Variants in ADAR observed in about 807,000 individuals in gnomAD.
The protein encoded by ADAR is adenosine deaminase RNA specific, also known as double-stranded RNA-specific adenosine deaminase.
In ADAR, 41 loss-of-function variants were observed where a neutral mutation model predicts 113.2. The ratio of observed to expected loss-of-function variants is 0.36; its 90% CI spans 0.28 to 0.47. The LOEUF (loss-of-function observed/expected upper bound fraction) is 0.47. Among genes scored for constraint, ADAR ranks in the 20% least tolerant of loss-of-function variants. ADAR has a pLI of 1.00. For missense variants in ADAR, 1,242 were observed against 1,540.9 expected (o/e 0.81, Z 3.25); for synonymous variants, 605 against 572.6 (o/e 1.06, Z -0.81).
chr1:154,588,308 T>C, intron 10 of ADAR, 50 bp from the exon 11 acceptor site: 1 of 1,613,560 alleles, frequency 6.2e-7, no homozygotes, highest in Non-Finnish European at 8.5e-7. Context: ...AATCTGCAAT[T>C]TCGTGGGGCT....
At chr1:154,589,674 T>C (rs1378756302) in intron 8 of ADAR, 83 bp downstream of exon 8, 13 of 1,543,510 alleles carry the variant, frequency 8.4e-6, no homozygotes, top group African/African-American at 1.4e-5. Context: ...GCCTTGGACT[T>C]ACATGCATGG....
chr1:154,589,746 G>A lies in ADAR; in HGVS notation c.2668+11C>T, dbSNP rs768855853. On this transcript the variant is annotated intron_variant, in intron 8 of 14. Transcript: ENST00000368474. ...GCCATGGGAGGCGGCATGTCTCAGA[G>A]CCTCACTCACCTGTTCCCAAGCTGA... is the stretch of plus-strand genomic sequence containing the variant. The A allele has an allele frequency of 1.4e-5, 22 of 1,614,098 alleles. No individual in the cohort carries two copies. Among genetic ancestry groups the A allele is most frequent in the Non-Finnish European group, 1.6e-5 (19 of 1,180,014 alleles).
chr1:154,601,384 CTAACTT>C lies in ADAR; in HGVS notation c.1252_1257del (p.Lys418_Leu419del). On this transcript the variant is annotated inframe_deletion, in exon 2 of 15. Transcript: ENST00000368474. The surrounding 1 kb of genome is among the most constrained non-coding windows in gnomAD (Gnocchi z 4.7). Reference sequence around the variant, plus strand: ...TCTGGTCTGGCCTCTTGCCTGTTTTCTAACTTTATGACAGGTTCCTGCCCATTCTCC... The same window carrying C: ...TCTGGTCTGGCCTCTTGCCTGTTTTCTATGACAGGTTCCTGCCCATTCTCC... 1 of 1,614,194 alleles carries C rather than the reference CTAACTT, an allele frequency of 6.2e-7. No individual in the cohort carries two copies. Among genetic ancestry groups the C allele is most frequent in the Non-Finnish European group, 8.5e-7 (1 of 1,180,040 alleles).
At chr1:154,586,421 C>T (rs1031164663) in intron 11 of ADAR, 58 bp from the exon 12 acceptor site, 11 of 1,553,204 alleles carry the variant, frequency 7.1e-6, no homozygotes, top group Middle Eastern at 2.1e-4. Flanking sequence ...CACTCCCTGG[C>T]GTGGTTTCTA....
chr1:154,596,917 C>A lies in ADAR; in HGVS notation c.2158G>T (p.Val720Leu). ...ACAGGGTTGGTGTTCAGGTATCTCA[C>A]GAGCTCGCCAATCTTCCTGACCTTG... The part of the protein sequence containing the change: ...PNKVRKIGEL[V>L]RYLNTNPVGG... The change falls in exon 6 of 15, where the codon GTG becomes TTG. Residue 720 changes from valine to leucine, a missense_variant. This residue lies in a region of ADAR where 780 missense variants were observed against 1,057.9 expected (regional missense o/e 0.74). Coordinates refer to ENST00000368474, the MANE Select transcript of ADAR (RefSeq NM_001111.5). The A allele has an allele frequency of 6.2e-7, 1 of 1,614,154 alleles. No individual in the cohort carries two copies. The highest frequency in any genetic ancestry group is 8.5e-7 in the Non-Finnish European group (1 of 1,180,026).
intron 3 of ADAR, 44 bp downstream of exon 3, chr1:154,598,358 A>C: frequency 6.2e-7 from 1 of 1,600,960 alleles, no homozygotes; most frequent in South Asian, 1.1e-5. Flanking sequence ...CAATCCAGAC[A>C]CTGACAGGGA....
In ADAR at chr1:154,584,964, T is replaced by G. The variant is rs146625055; in HGVS notation, c.3523A>C (p.Arg1175=). ...CCATAGGAGAGTCTCAGTAGATCCC[T>G]GCGGTAACGGAAGGAGCAGAGCTTC... ...FKKLCSFRYR[R]DLLRLSYGEA... The change falls in exon 15 of 15, where the codon AGG becomes CGG. Residue 1175 remains arginine (R), a synonymous_variant. Coordinates refer to ENST00000368474, the MANE Select transcript of ADAR (RefSeq NM_001111.5). 852 of 1,614,192 alleles carry G rather than the reference T, an allele frequency of 5.3e-4. 7 individuals are homozygous for G. The highest frequency in any genetic ancestry group is 5.1e-3 in the South Asian group (462 of 91,082).
intron 1 of ADAR, among the ~76,000 whole-genome samples, chr1:154,603,236 C>T (rs754827223): frequency 5.3e-5 from 8 of 152,096 alleles, no homozygotes; most frequent in Non-Finnish European, 1.0e-4. Flanking sequence ...GCTGTAACAG[C>T]GCAGTAACGA....
At chr1:154,603,231 A>C (rs1022584370) in intron 1 of ADAR, among the ~76,000 whole-genome samples, 5 of 152,178 alleles carry the variant, frequency 3.3e-5, no homozygotes, top group African/African-American at 9.7e-5. Flanking sequence ...CCAAGGCTGT[A>C]ACAGCGCAGT....
chr1:154,584,364 G>A lies in ADAR; in HGVS notation c.*442C>T. 6.1e-6 allele frequency: 1 copy of A among 163,686 alleles called. No homozygotes were observed. The highest frequency in any genetic ancestry group is 1.3e-5 in the Non-Finnish European group (1 of 74,512). 10.1% of individuals were successfully genotyped at this position (163,686 alleles called of 1,614,324 possible). A position where few individuals can be genotyped will look rare whatever the true frequency, so the allele number is the denominator to read the frequency against. ...TCAGAAGGGAAAGAGGGGAAGTAGA[G>A]GGGTCTGCGTAATCCACAAATGAAA... On this transcript the variant is annotated 3_prime_UTR_variant, in exon 15 of 15. Transcript: ENST00000368474.
intron 6 of ADAR, among the ~76,000 whole-genome samples, chr1:154,596,003 G>A (rs1235065746): frequency 6.6e-6 from 1 of 152,130 alleles, no homozygotes; most frequent in Non-Finnish European, 1.5e-5. Context: ...GTTACATGCT[G>A]TACAGGTTTG....
chr1:154,593,188 A>G (rs1027027050), intron 6 of ADAR, among the ~76,000 whole-genome samples: 6 of 151,122 alleles, frequency 4.0e-5, no homozygotes, highest in Non-Finnish European at 7.4e-5. Flanking sequence ...AGTTAACGTC[A>G]CCAGCCACAG....
At chr1:154,585,675 G>A in intron 13 of ADAR, 78 bp downstream of exon 13, 1 of 1,258,804 alleles carries the variant, frequency 7.9e-7, no homozygotes, top group Non-Finnish European at 1.2e-6. Flanking sequence ...CTTGCCCACA[G>A]TGTACATTTT....
upstream of ADAR, chr1:154,608,837 G>GA (rs1166154429): frequency 7.2e-6 from 1 of 138,138 alleles, no homozygotes; most frequent in East Asian, 2.2e-4. Context: ...GAGGGGGGGG[G>GA]GAGGGGATGG....
upstream of ADAR, among the ~76,000 whole-genome samples, chr1:154,610,478 C>G (rs142110040): frequency 6.6e-6 from 1 of 152,216 alleles, no homozygotes; most frequent in African/African-American, 2.4e-5. Flanking sequence ...CAGAAAGTCC[C>G]AAGCCAGGCA....
At chr1:154,598,327 T>C (rs1697639699) in intron 3 of ADAR, 75 bp downstream of exon 3, 1 of 1,504,976 alleles carries the variant, frequency 6.6e-7, no homozygotes, top group African/African-American at 1.4e-5. Context: ...TAGGCTGGGA[T>C]TGCCTCAAGG....
At position 154,596,872 on chromosome 1, in the gene ADAR, C is replaced by T. The variant is rs2101619399; in HGVS notation, c.2203G>A (p.Ala735Thr). 3 of 1,614,106 alleles carry T rather than the reference C, an allele frequency of 1.9e-6. No homozygotes were observed. Among genetic ancestry groups the T allele is most frequent in the East Asian group, 2.2e-5 (1 of 44,880 alleles). The change falls in exon 6 of 15, where the codon GCC becomes ACC. Residue 735 changes from alanine to threonine, a missense_variant. This residue lies in a region of ADAR where 780 missense variants were observed against 1,057.9 expected (regional missense o/e 0.74). Coordinates refer to ENST00000368474, the MANE Select transcript of ADAR (RefSeq NM_001111.5). Reference protein sequence around the residue: ...TNPVGGLLEYARSHGFAAEFK... With the variant: ...TNPVGGLLEYTRSHGFAAEFK... ...TCAGCAGCAAAGCCATGGGAGCGGG[C>T]GTACTCCAAAAGGCCACCCACAGGG...
intron 6 of ADAR, among the ~76,000 whole-genome samples, chr1:154,593,184 C>T (rs926827274): frequency 6.3e-5 from 9 of 143,846 alleles, no homozygotes; most frequent in African/African-American, 2.0e-4. Context: ...AATTAGTTAA[C>T]GTCACCAGCC....
chr1:154,603,320 G>A (rs1345427834), intron 1 of ADAR, among the ~76,000 whole-genome samples: 2 of 152,154 alleles, frequency 1.3e-5, no homozygotes, highest in Non-Finnish European at 2.9e-5. Flanking sequence ...CATCCCAGGA[G>A]GATCAGAATT....
Sources: gnomAD v4.1 joint callset for allele counts (sites outside exome capture counted in the v4.1 genomes callset) on GRCh38, gnomAD v4.1.1 for gene constraint, gnomAD v4.1.1 regional missense constraint, Gnocchi (gnomAD v3.1) non-coding constraint, MANE v1.5 for transcripts, NCBI Gene and HGNC (gene_info 2026-07-23, HGNC 2026-07-21) for gene names.